Variants in PHOSPHO1 observed in about 807,000 individuals in gnomAD.
PHOSPHO1 encodes phosphoethanolamine/phosphocholine phosphatase 1.
Under a neutral mutation model 17.7 loss-of-function variants are expected in PHOSPHO1, and 6 were observed. The ratio of observed to expected loss-of-function variants is 0.34; its 90% CI spans 0.19 to 0.67. The LOEUF (loss-of-function observed/expected upper bound fraction) is 0.67, where lower values mean the gene tolerates loss of function less well. Ranked by LOEUF, PHOSPHO1 falls within the 30% of genes least tolerant of loss-of-function variation. The probability of loss-of-function intolerance (pLI) is 0.69; values close to 1 mark genes in which losing one functional copy is unlikely to be tolerated. For missense variants in PHOSPHO1, 330 were observed against 392.1 expected (o/e 0.84, Z 1.34); for synonymous variants, 159 against 174.6 (o/e 0.91, Z 0.71).
Position 49,224,011 on chromosome 17 carries a change from T to A in PHOSPHO1, c.*235A>T, listed in dbSNP as rs1350592954. On this transcript the variant is annotated 3_prime_UTR_variant, in exon 3 of 3. Coordinates refer to ENST00000310544, the MANE Select transcript of PHOSPHO1 (RefSeq NM_178500.4). ...CGCGCCACCCCGCGATGGGTCAGACTCCAGAACTCAACCGTGCACAGTGGA... is the reference window on the plus strand; with the variant it reads ...CGCGCCACCCCGCGATGGGTCAGACACCAGAACTCAACCGTGCACAGTGGA... 3.8e-6 allele frequency: 2 copies of A among 531,268 alleles called. No homozygotes were observed. The highest frequency in any genetic ancestry group is 6.2e-6 in the Non-Finnish European group (2 of 324,022). The allele number at this position is 531,268 out of a possible 1,614,324, so 32.9% of individuals were successfully genotyped here. A position where few individuals can be genotyped will look rare whatever the true frequency, so the allele number is the denominator to read the frequency against.
rs543600291 is a variant in PHOSPHO1, at chr17:49,226,684, C to T, written c.8G>A (p.Gly3Asp). The change falls in exon 2 of 3, where the codon GGC becomes GAC. Residue 3 changes from glycine (G) to aspartate (D), a missense_variant. Transcript: ENST00000310544. MS[G>D]CFPVSGLRCL... ...GCGGAGGCCAGAAACTGGAAAACAG[C>T]CACTCATTGTCGGTGCATTACCGTG... The T allele has an allele frequency of 1.8e-4, 298 of 1,614,216 alleles. 4 individuals are homozygous for T. In the South Asian group the frequency reaches 3.1e-3, roughly 17 times the overall value.
chr17:49,226,843 T>G, intron 1 of PHOSPHO1, 85 bp from the exon 2 acceptor site: 1 of 807,774 alleles, frequency 1.2e-6, no homozygotes, highest in Non-Finnish European at 2.1e-6. Flanking sequence ...CTGGTCCTTC[T>G]GCTGAGCTAC....
chr17:49,226,842 C>T, intron 1 of PHOSPHO1, 84 bp from the exon 2 acceptor site: 1 of 810,234 alleles, frequency 1.2e-6, no homozygotes, highest in Non-Finnish European at 2.0e-6. Context: ...CCTGGTCCTT[C>T]TGCTGAGCTA....
rs569283320 is a variant in PHOSPHO1, at chr17:49,225,859, C to T, written c.45+788G>A. 5.7e-4 allele frequency: 673 copies of T among 1,185,594 alleles called. 1 individual carries two copies. Among genetic ancestry groups the T allele is most frequent in the Middle Eastern group, 7.6e-4 (2 of 2,640 alleles). 73.4% of individuals were successfully genotyped at this position (1,185,594 alleles called of 1,614,324 possible). ...AGTGGGAGGGGCCAGGTAGTGGGGACTTGGGGGGTGTGGAGGAGAGGGCTG... is the reference window on the plus strand; with the variant it reads ...AGTGGGAGGGGCCAGGTAGTGGGGATTTGGGGGGTGTGGAGGAGAGGGCTG... On this transcript the variant is annotated intron_variant, in intron 2 of 2. Transcript: ENST00000310544.
intron 1 of PHOSPHO1, among the ~76,000 whole-genome samples, chr17:49,227,818 G>A (rs917446244): frequency 3.3e-5 from 5 of 152,144 alleles, no homozygotes; most frequent in Admixed American, 6.6e-5. Flanking sequence ...GATGGAATGC[G>A]GCTCTCAGTT....
In PHOSPHO1 at chr17:49,223,519, C is replaced by T. The variant is rs918525522; in HGVS notation, c.*727G>A. On this transcript the variant is annotated 3_prime_UTR_variant, in exon 3 of 3. Transcript: ENST00000310544. Reference sequence around the variant, plus strand: ...CGCGAGGGTGACTTTGGTGAAGTCCCTGGTCTCTTGCTGCATAGACGAGGC... The same window carrying T: ...CGCGAGGGTGACTTTGGTGAAGTCCTTGGTCTCTTGCTGCATAGACGAGGC... 3 of 152,780 alleles carry T rather than the reference C, an allele frequency of 2.0e-5. No homozygotes were observed. Among genetic ancestry groups the T allele is most frequent in the African/African-American group, 7.3e-5 (3 of 41,378 alleles). The allele number at this position is 152,780 out of a possible 1,614,324, so 9.5% of individuals were successfully genotyped here. A position where few individuals can be genotyped will look rare whatever the true frequency, so the allele number is the denominator to read the frequency against.
chr17:49,225,902 G>C, intron 2 of PHOSPHO1: 1 of 1,145,768 alleles, frequency 8.7e-7, no homozygotes, highest in Non-Finnish European at 1.1e-6. Context: ...GTCATTCTAG[G>C]GGATCTTGGA....
At chr17:49,230,179 C>T (rs903779112) in intron 1 of PHOSPHO1, among the ~76,000 whole-genome samples, 2 of 152,096 alleles carry the variant, frequency 1.3e-5, no homozygotes, top group African/African-American at 4.8e-5. Context: ...TCTGGCGCAC[C>T]CCCGGCTGGC....
In PHOSPHO1 at chr17:49,224,209, G is replaced by T; in HGVS notation, c.*37C>A. 6.6e-7 allele frequency: 1 copy of T among 1,514,170 alleles called. No homozygotes were observed. The allele number at this position is 1,514,170 out of a possible 1,614,324, so 93.8% of individuals were successfully genotyped here. On this transcript the variant is annotated 3_prime_UTR_variant, in exon 3 of 3. Coordinates refer to ENST00000310544, the MANE Select transcript of PHOSPHO1 (RefSeq NM_178500.4). ...CGAATCTCCCTTCCCCGCCCCCTCCGCCGTTGGCCCGGGTACCCCCCTGCA... is the reference window on the plus strand; with the variant it reads ...CGAATCTCCCTTCCCCGCCCCCTCCTCCGTTGGCCCGGGTACCCCCCTGCA...
chr17:49,224,241 C>A lies in PHOSPHO1; in HGVS notation c.*5G>T, dbSNP rs1223284840. On this transcript the variant is annotated 3_prime_UTR_variant, in exon 3 of 3. Transcript: ENST00000310544. ...GCCCGGGTACCCCCCTGCAGGCGGC[C>A]AGACTCAGCACGACTTCAGCACCTG... 4 of 1,558,882 alleles carry A rather than the reference C, an allele frequency of 2.6e-6. No individual in the cohort carries two copies. The highest frequency in any genetic ancestry group is 3.5e-6 in the Non-Finnish European group (4 of 1,156,600).
At chr17:49,228,883 C>A (rs944370504) in intron 1 of PHOSPHO1, among the ~76,000 whole-genome samples, 77 of 151,810 alleles carry the variant, frequency 5.1e-4, no homozygotes, top group African/African-American at 1.8e-3. Context: ...TCACTTAAAC[C>A]CAGGAGACAG....
In PHOSPHO1 at chr17:49,224,627, C is replaced by A; in HGVS notation, c.423G>T (p.Leu141=). The A allele has an allele frequency of 6.3e-7, 1 of 1,582,728 alleles. No individual in the cohort carries two copies. Among genetic ancestry groups the A allele is most frequent in the Non-Finnish European group, 8.5e-7 (1 of 1,170,288 alleles). ...SSLRAAGHHS[L]FRRILSNPSG... ...ACGGGTTGCTGAGGATGCGGCGGAA[C>A]AGGCTGTGGTGGCCGGCGGCGCGCA... Residue 141 remains leucine (L), a synonymous_variant, in exon 3 of 3, where the codon CTG becomes CTT. Coordinates refer to ENST00000310544, the MANE Select transcript of PHOSPHO1 (RefSeq NM_178500.4).
intron 2 of PHOSPHO1, chr17:49,225,780 G>T (rs2043348719): frequency 4.0e-6 from 5 of 1,258,860 alleles, no homozygotes; most frequent in Non-Finnish European, 5.1e-6. Flanking sequence ...TGACACACCT[G>T]GGAGACAGGT....
chr17:49,225,163 A>C (rs1198211042), intron 2 of PHOSPHO1, 159 bp from the exon 3 acceptor site: 6 of 1,433,744 alleles, frequency 4.2e-6, no homozygotes, highest in Non-Finnish European at 5.5e-6. Context: ...TTAAGCTGGG[A>C]GGAGTACCCA....
At chr17:49,226,186 A>G (rs1481473313) in intron 2 of PHOSPHO1, among the ~76,000 whole-genome samples, 1 of 152,018 alleles carries the variant, frequency 6.6e-6, no homozygotes, top group Non-Finnish European at 1.5e-5. Context: ...ATACCCACAC[A>G]CTGCTTTTCT....
intron 1 of PHOSPHO1, among the ~76,000 whole-genome samples, chr17:49,228,290 T>TTCC (rs2043378657): frequency 4.5e-5 from 3 of 66,962 alleles, no homozygotes; most frequent in African/African-American, 1.7e-4. Context: ...CCTTCCTTCC[T>TTCC]TCCTTCCTCC....
chr17:49,224,071 G>C lies in PHOSPHO1; in HGVS notation c.*175C>G. 1 of 981,156 alleles carries C rather than the reference G, an allele frequency of 1.0e-6. No homozygotes were observed. Among genetic ancestry groups the C allele is most frequent in the Non-Finnish European group, 1.4e-6 (1 of 689,940 alleles). The allele number at this position is 981,156 out of a possible 1,614,324, so 60.8% of individuals were successfully genotyped here. A position where few individuals can be genotyped will look rare whatever the true frequency, so the allele number is the denominator to read the frequency against. On this transcript the variant is annotated 3_prime_UTR_variant, in exon 3 of 3. Coordinates refer to ENST00000310544, the MANE Select transcript of PHOSPHO1 (RefSeq NM_178500.4). ...GCAGCCGAGGTGGGTTAACTGAATA[G>C]ATAGGGACGGCTCTGAGCCCCCTTC...
At chr17:49,228,527 A>T (rs1399823696) in intron 1 of PHOSPHO1, among the ~76,000 whole-genome samples, 1 of 152,096 alleles carries the variant, frequency 6.6e-6, no homozygotes, top group Non-Finnish European at 1.5e-5. Flanking sequence ...GTGGTGGCTC[A>T]TGCCTGTAAT....
rs376616071 is a variant in PHOSPHO1 at position 49,224,317 on chromosome 17, C to G, written c.733G>C (p.Ala245Pro). 6.3e-7 allele frequency: 1 copy of G among 1,593,242 alleles called. No homozygotes were observed. The highest frequency in any genetic ancestry group is 1.3e-5 in the African/African-American group (1 of 74,656). Residue 245 changes from alanine (A) to proline (P), a missense_variant, in exon 3 of 3, where the codon GCC becomes CCC. Ala to Pro is a conservative substitution (Grantham distance 27). Transcript: ENST00000310544. The part of the protein sequence containing the change: ...AQKAEPSSFR[A>P]SVVPWETAAD... The stretch of plus-strand genomic sequence containing the variant: ...GCCGTTTCCCAGGGCACCACGCTGG[C>G]GCGGAACGAGCTGGGCTCGGCCTTC...
Sources: gnomAD v4.1 joint callset for allele counts (sites outside exome capture counted in the v4.1 genomes callset) on GRCh38, gnomAD v4.1.1 for gene constraint, MANE v1.5 for transcripts, NCBI Gene and HGNC (gene_info 2026-07-23, HGNC 2026-07-21) for gene names.